ABCA12: variants seen among roughly 807,000 people sequenced by gnomAD.
ABCA12 encodes the protein ATP binding cassette subfamily A member 12.
In ABCA12, 156 loss-of-function variants were observed where a neutral mutation model predicts 293.5. That is an observed-to-expected ratio of 0.53 (90% CI 0.47 to 0.61). The LOEUF (loss-of-function observed/expected upper bound fraction) is 0.61. ABCA12 is among the 20% of genes least tolerant of loss of function. The probability of loss-of-function intolerance (pLI) is 0.00; values close to 1 mark genes in which losing one functional copy is unlikely to be tolerated. For synonymous variants in ABCA12, 1,063 were observed against 1,108.0 expected (o/e 0.96, Z 0.81); for missense variants, 2,797 against 3,090.2 (o/e 0.91, Z 2.25).
chr2:214,973,900 A>G (rs1233158884), intron 36 of ABCA12, 49 bp downstream of exon 36: 1 of 1,482,240 alleles, frequency 6.7e-7, no homozygotes. Flanking sequence ...AGCTTTCGAT[A>G]TTTATTCCCG....
intron 23 of ABCA12, among the ~76,000 whole-genome samples, chr2:214,993,780 G>A (rs192166522): frequency 2.2e-4 from 34 of 152,238 alleles, no homozygotes; most frequent in African/African-American, 7.0e-4. Context: ...GTGTATAAAC[G>A]TGTTTTTCTT....
intron 2 of ABCA12, among the ~76,000 whole-genome samples, chr2:215,093,356 C>T (rs1036408629): frequency 6.6e-6 from 1 of 152,168 alleles, no homozygotes; most frequent in East Asian, 1.9e-4. Flanking sequence ...CATAAACTCA[C>T]AAATGGAAAC....
At chr2:214,938,036 G>A (rs554811910) in intron 50 of ABCA12, among the ~76,000 whole-genome samples, 14 of 152,018 alleles carry the variant, frequency 9.2e-5, no homozygotes, top group East Asian at 1.9e-4. Context: ...TACATGTGCC[G>A]TGGTGGTTTG....
At chr2:214,989,006 C>T (rs1169276692) in intron 26 of ABCA12, among the ~76,000 whole-genome samples, 1 of 150,164 alleles carries the variant, frequency 6.7e-6, no homozygotes, top group Admixed American at 6.7e-5. Context: ...TGGTGAAACC[C>T]CGGCTCTATT....
intron 8 of ABCA12, among the ~76,000 whole-genome samples, chr2:215,033,726 G>A (rs1362894002): frequency 2.6e-5 from 4 of 152,038 alleles, no homozygotes; most frequent in Non-Finnish European, 5.9e-5. Context: ...CACATCACGA[G>A]GTCAGGAGAT....
At chr2:215,104,885 A>T (rs574731619) in intron 2 of ABCA12, among the ~76,000 whole-genome samples, 86 of 152,302 alleles carry the variant, frequency 5.6e-4, no homozygotes, top group African/African-American at 1.8e-3. Flanking sequence ...CCATATGGGC[A>T]TTATAGACAT....
chr2:215,058,218 T>C (rs1214479033), intron 3 of ABCA12, among the ~76,000 whole-genome samples: 1 of 152,010 alleles, frequency 6.6e-6, no homozygotes, highest in East Asian at 1.9e-4. Flanking sequence ...CATTTGGCAA[T>C]GTCTGGAGAC....
chr2:215,136,524 GATT>G (rs542093058), intron 1 of ABCA12, among the ~76,000 whole-genome samples: 59 of 152,094 alleles, frequency 3.9e-4, no homozygotes, highest in African/African-American at 1.4e-3. Flanking sequence ...TCAGCATTCA[GATT>G]ATTGACAATA....
intron 3 of ABCA12, among the ~76,000 whole-genome samples, chr2:215,059,080 T>G (rs1314853948): frequency 6.6e-6 from 1 of 152,054 alleles, no homozygotes; most frequent in African/African-American, 2.4e-5. Flanking sequence ...TGGCAAATCC[T>G]GGAAAGAAAA....
intron 22 of ABCA12, 139 bp from the exon 23 acceptor site, chr2:214,997,948 C>T (rs1186864091): frequency 1.3e-5 from 8 of 627,454 alleles, no homozygotes; most frequent in Non-Finnish European, 2.3e-5. Flanking sequence ...ATCGGTATTA[C>T]CCCATTATTT....
chr2:215,054,405 G>A (rs776219246), intron 4 of ABCA12, among the ~76,000 whole-genome samples, 168 bp downstream of exon 4: 15 of 152,022 alleles, frequency 9.9e-5, no homozygotes, highest in South Asian at 4.1e-4. Context: ...ACACCTTTGC[G>A]TAATTGCACC....
intron 33 of ABCA12, among the ~76,000 whole-genome samples, chr2:214,977,853 A>G (rs1194544716): frequency 6.6e-6 from 1 of 151,384 alleles, no homozygotes; most frequent in Non-Finnish European, 1.5e-5. Context: ...TGAGGGTACC[A>G]TAAAGAGCGG....
intron 18 of ABCA12, 116 bp from the exon 19 acceptor site, chr2:215,007,962 G>A: frequency 7.5e-7 from 1 of 1,331,728 alleles, no homozygotes; most frequent in Admixed American, 2.0e-5. Flanking sequence ...AAAACATGAA[G>A]TTAGTACAAA....
chr2:215,091,529 C>G (rs1391422527), intron 2 of ABCA12, among the ~76,000 whole-genome samples: 2 of 152,162 alleles, frequency 1.3e-5, no homozygotes, highest in Non-Finnish European at 1.5e-5. Flanking sequence ...TGGCAACAAC[C>G]CTTAGACGCT....
chr2:214,976,089 T>C (rs1559124877), intron 33 of ABCA12, 52 bp from the exon 34 acceptor site: 1 of 1,606,952 alleles, frequency 6.2e-7, no homozygotes, highest in Admixed American at 1.7e-5. Context: ...TGATAAGCAA[T>C]AAAATAACTT....
chr2:215,067,755 T>C (rs986443883), intron 2 of ABCA12, among the ~76,000 whole-genome samples: 23 of 152,122 alleles, frequency 1.5e-4, no homozygotes, highest in African/African-American at 5.5e-4. Context: ...ATTGAATGGA[T>C]ACAGTCTACC....
chr2:215,060,558 G>C (rs1009888287), intron 3 of ABCA12, among the ~76,000 whole-genome samples: 33 of 151,990 alleles, frequency 2.2e-4, no homozygotes, highest in African/African-American at 7.7e-4. Flanking sequence ...CAAGCTAGAG[G>C]AAAGTTTAAA....
At position 215,025,753 on chromosome 2, in the gene ABCA12, T is replaced by C. The variant is rs1358632830; in HGVS notation, c.1207A>G (p.Ile403Val). 3.1e-6 allele frequency: 5 copies of C among 1,612,914 alleles called. No homozygotes were observed. The highest frequency in any genetic ancestry group is 2.2e-5 in the East Asian group (1 of 44,766). Residue 403 changes from isoleucine (I) to valine (V), a missense_variant, in exon 11 of 53, where the codon ATA becomes GTA. Ile to Val is a conservative substitution (Grantham distance 29). Transcript: ENST00000272895. ...PENLRLLQST[I>V]RFKKSFLRNG... ...CGAAGAAAAGATTTTTTAAATCGTA[T>C]TGTGGACTGCAGGAGTCTTAGATTT...
Position 214,954,045 on chromosome 2 carries a change from A to G in ABCA12, c.6456T>C (p.Phe2152=), listed in dbSNP as rs1188425376. Residue 2152 remains phenylalanine, a synonymous_variant, in exon 44 of 53, where the codon TTT becomes TTC. Transcript: ENST00000272895. ...GAGAAAGTTCAATCAAACCGTAGCC[A>G]AAACAGAATTGTGGGAAAATCAGGA... ...RIFLIFPQFC[F]GYGLIELSQQ... 6.2e-7 allele frequency: 1 copy of G among 1,614,110 alleles called. No homozygotes were observed. Among genetic ancestry groups the G allele is most frequent in the Non-Finnish European group, 8.5e-7 (1 of 1,179,970 alleles).
Sources: gnomAD v4.1 joint callset for allele counts (sites outside exome capture counted in the v4.1 genomes callset) on GRCh38, gnomAD v4.1.1 for gene constraint, MANE v1.5 for transcripts, NCBI Gene and HGNC (gene_info 2026-07-23, HGNC 2026-07-21) for gene names.